UBR3: variants seen among roughly 807,000 people sequenced by gnomAD.
The protein encoded by UBR3 is E3 ubiquitin-protein ligase UBR3.
Under a neutral mutation model 243.2 loss-of-function variants are expected in UBR3, and 85 were observed. That is an observed-to-expected ratio of 0.35 (90% CI 0.29 to 0.42). The LOEUF is 0.42. Ranked by LOEUF, UBR3 falls within the 10% of genes least tolerant of loss-of-function variation. The pLI, the probability that UBR3 is intolerant of heterozygous loss-of-function variation, is 1.00. For missense variants in UBR3, 1,686 were observed against 2,300.8 expected (o/e 0.73, Z 5.47); for synonymous variants, 748 against 799.8 (o/e 0.94, Z 1.09).
chr2:169,840,784 C>A (rs2082264113), intron 1 of UBR3, among the ~76,000 whole-genome samples: 1 of 152,114 alleles, frequency 6.6e-6, no homozygotes, highest in South Asian at 2.1e-4. Flanking sequence ...GCAGAGTTAG[C>A]AACATGTGGA....
rs1441237759 is a variant in UBR3, at chr2:169,928,711, T to A, written c.2425-16T>A. ...GCTTTTTGTTACTAATATTTTTTTCTTGACATATATATCATATTCCAGAAA... is the reference window on the plus strand; with the variant it reads ...GCTTTTTGTTACTAATATTTTTTTCATGACATATATATCATATTCCAGAAA... On this transcript the variant is annotated splice_polypyrimidine_tract_variant and intron_variant, in intron 17 of 38. Coordinates refer to ENST00000272793, the MANE Select transcript of UBR3 (RefSeq NM_172070.4). The A allele has an allele frequency of 1.4e-6, 2 of 1,450,990 alleles. No homozygotes were observed. Among genetic ancestry groups the A allele is most frequent in the Non-Finnish European group, 9.2e-7 (1 of 1,083,156 alleles). The allele number at this position is 1,450,990 out of a possible 1,614,324, so 89.9% of individuals were successfully genotyped here.
At chr2:169,871,083 A>G (rs1464213508) in intron 1 of UBR3, among the ~76,000 whole-genome samples, 10 of 151,932 alleles carry the variant, frequency 6.6e-5, no homozygotes, top group Non-Finnish European at 1.5e-4. Flanking sequence ...ATTTCTAGGC[A>G]TTTTACATGT....
At chr2:169,981,166 T>G (rs1298161645) in intron 24 of UBR3, among the ~76,000 whole-genome samples, 1 of 152,150 alleles carries the variant, frequency 6.6e-6, no homozygotes, top group Non-Finnish European at 1.5e-5. Context: ...GAATACCTAG[T>G]ATTTTATGTA....
Position 169,925,638 on chromosome 2 carries a change from A to G in UBR3, c.2042A>G (p.His681Arg). 2 of 1,549,838 alleles carry G rather than the reference A, an allele frequency of 1.3e-6. No individual in the cohort carries two copies. The highest frequency in any genetic ancestry group is 1.7e-6 in the Non-Finnish European group (2 of 1,146,378). ...TATTAGGCAAGTCTTGCAGAAATCCACAGCAATATGTGGGTAAGAAATGGT... is the reference window on the plus strand; with the variant it reads ...TATTAGGCAAGTCTTGCAGAAATCCGCAGCAATATGTGGGTAAGAAATGGT... ...LQIQASLAEI[H>R]SNMWVRNGLQ... Residue 681 changes from histidine to arginine, a missense_variant, in exon 14 of 39, where the codon CAC (histidine) becomes CGC (arginine). By Grantham distance (29) the His-to-Arg change is conservative (BLOSUM62 0). Coordinates refer to ENST00000272793, the MANE Select transcript of UBR3 (RefSeq NM_172070.4).
Position 169,854,443 on chromosome 2 carries a change from T to C in UBR3, c.546-17793T>C, listed in dbSNP as rs934804601. 3.9e-5 allele frequency among the ~76,000 whole-genome samples: 6 copies of C among 152,310 alleles called. No homozygotes were observed. In the East Asian group the frequency reaches 5.8e-4, roughly 15 times the overall value. ...TTTAGGTTTTTGTAAAGTGGAACTT[T>C]AACACTGGTAATTAGAGTTAACCCT... is the stretch of plus-strand genomic sequence containing the variant. On this transcript the variant is annotated intron_variant, in intron 1 of 38. Transcript: ENST00000272793.
At chr2:170,078,180 ACTT>A (rs2091849524) in intron 36 of UBR3, 1 of 546,426 alleles carries the variant, frequency 1.8e-6, no homozygotes, top group Non-Finnish European at 3.5e-6. Flanking sequence ...ATTTTCTTTG[ACTT>A]CTTTGAATGT....
At chr2:170,066,957 C>T (rs2091582577) in intron 35 of UBR3, among the ~76,000 whole-genome samples, 1 of 44,910 alleles carries the variant, frequency 2.2e-5, no homozygotes, top group South Asian at 9.4e-4. Context: ...GAGCGAGACT[C>T]CGTCTCTAAA....
At chr2:170,025,427 C>T (rs1194980735) in intron 30 of UBR3, among the ~76,000 whole-genome samples, 1 of 152,074 alleles carries the variant, frequency 6.6e-6, no homozygotes, top group Non-Finnish European at 1.5e-5. Context: ...CAAAATGATA[C>T]TATTCTAGGC....
intron 24 of UBR3, among the ~76,000 whole-genome samples, chr2:169,967,764 G>C (rs2087890142): frequency 6.6e-6 from 1 of 151,984 alleles, no homozygotes. Context: ...AGTTTAATTT[G>C]TGATTTGTCC....
At chr2:170,054,280 C>T (rs897038759) in intron 32 of UBR3, among the ~76,000 whole-genome samples, 1 of 150,122 alleles carries the variant, frequency 6.7e-6, no homozygotes, top group Non-Finnish European at 1.5e-5. Flanking sequence ...TCACCACACC[C>T]AGCTTTTTTT....
chr2:169,947,774 G>T, intron 22 of UBR3, 59 bp downstream of exon 22: 1 of 1,317,552 alleles, frequency 7.6e-7, no homozygotes, highest in Non-Finnish European at 9.7e-7. Flanking sequence ...ATGTTATGTT[G>T]GGATATACTG....
chr2:169,880,600 TTGTG>T (rs910059318), intron 5 of UBR3, among the ~76,000 whole-genome samples: 6 of 152,114 alleles, frequency 3.9e-5, no homozygotes, highest in African/African-American at 1.4e-4. Flanking sequence ...AAGGACATCC[TTGTG>T]TGTGTGTTTG....
chr2:169,995,385 ACTCCGCATTTATTT>A (rs2105395172), intron 26 of UBR3, among the ~76,000 whole-genome samples: 1 of 152,224 alleles, frequency 6.6e-6, no homozygotes, highest in South Asian at 2.1e-4. Context: ...ATGTATGCAT[ACTCCGCATTTATTT>A]CAGTGTTTCG....
chr2:169,829,826 C>T (rs2081874006), intron 1 of UBR3, among the ~76,000 whole-genome samples: 1 of 53,654 alleles, frequency 1.9e-5, no homozygotes. Context: ...CACACACACA[C>T]ACACACACAC....
At chr2:169,941,991 C>T (rs745878500) in intron 19 of UBR3, among the ~76,000 whole-genome samples, 40 of 152,322 alleles carry the variant, frequency 2.6e-4, no homozygotes, top group Non-Finnish European at 3.7e-4. Context: ...GATCTGTTTG[C>T]TCAAGGACTT....
chr2:169,936,081 T>C (rs939132816), intron 19 of UBR3, among the ~76,000 whole-genome samples: 16 of 152,110 alleles, frequency 1.1e-4, no homozygotes, highest in Non-Finnish European at 2.1e-4. Context: ...TTTTTTGAGA[T>C]GGAGTTTCAC....
intron 1 of UBR3, among the ~76,000 whole-genome samples, chr2:169,858,242 A>C (rs935838829): frequency 2.6e-5 from 4 of 152,126 alleles, no homozygotes; most frequent in African/African-American, 9.7e-5. Context: ...TAAGTGGGTT[A>C]CTCACATGGC....
At chr2:169,939,628 A>G (rs1026511859) in intron 19 of UBR3, among the ~76,000 whole-genome samples, 3 of 150,110 alleles carry the variant, frequency 2.0e-5, no homozygotes, top group Non-Finnish European at 4.4e-5. Context: ...TAGTGGTGCA[A>G]TCTTGGCTCA....
intron 30 of UBR3, among the ~76,000 whole-genome samples, chr2:170,021,000 T>G (rs2090375703): frequency 6.6e-6 from 1 of 152,072 alleles, no homozygotes; most frequent in South Asian, 2.1e-4. Flanking sequence ...CTTTCAGAGA[T>G]AAGGAGTACT....
Sources: gnomAD v4.1 joint callset for allele counts (sites outside exome capture counted in the v4.1 genomes callset) on GRCh38, gnomAD v4.1.1 for gene constraint, MANE v1.5 for transcripts, NCBI Gene and HGNC (gene_info 2026-07-23, HGNC 2026-07-21) for gene names.